Variants in SCAP observed in about 807,000 individuals in gnomAD.
The protein encoded by SCAP is SREBF chaperone.
Under a neutral mutation model 123.6 loss-of-function variants are expected in SCAP, and 65 were observed. The observed-to-expected ratio is 0.53, with a 90% CI of 0.43 to 0.65. The LOEUF is 0.65. Among genes scored for constraint, SCAP ranks in the 30% least tolerant of loss-of-function variants. The pLI is 0.00. For missense variants in SCAP, 1,398 were observed against 1,712.5 expected (o/e 0.82, Z 3.24); for synonymous variants, 740 against 726.3 (o/e 1.02, Z -0.30).
At position 47,430,819 on chromosome 3, in the gene SCAP, G is replaced by A. The variant is rs988452168; in HGVS notation, c.253-2149C>T. ...CAGCCCAGCTGAGGGATGAGGGGCT[G>A]TCTCCACGCCTGGGCTGCAGTCGGG... On this transcript the variant is annotated intron_variant, in intron 3 of 22. Transcript: ENST00000265565. Among the ~76,000 whole-genome samples, 45 of 152,158 alleles carry A rather than the reference G, an allele frequency of 3.0e-4. 1 individual carries two copies. Among genetic ancestry groups the A allele is most frequent in the East Asian group, 3.9e-4 (2 of 5,164 alleles).
At chr3:47,440,366 T>A (rs999140873) in intron 2 of SCAP, among the ~76,000 whole-genome samples, 1 of 152,214 alleles carries the variant, frequency 6.6e-6, no homozygotes, top group Non-Finnish European at 1.5e-5. Flanking sequence ...CCTGGGTCCA[T>A]GATCTCTGGT....
At chr3:47,453,368 C>T (rs1393173920) in intron 1 of SCAP, among the ~76,000 whole-genome samples, 1 of 140,100 alleles carries the variant, frequency 7.1e-6, no homozygotes, top group Non-Finnish European at 1.5e-5. Flanking sequence ...CATAGTGAGA[C>T]CCCATCTCTT....
Position 47,417,158 on chromosome 3 carries a change from G to A in SCAP, c.3020C>T (p.Ser1007Phe), listed in dbSNP as rs1559537219. 2.5e-6 allele frequency: 4 copies of A among 1,613,104 alleles called. No homozygotes were observed. Among genetic ancestry groups the A allele is most frequent in the Non-Finnish European group, 3.4e-6 (4 of 1,180,016 alleles). The change falls in exon 18 of 23, where the codon TCC becomes TTC. Residue 1007 changes from serine to phenylalanine, a missense_variant. By Grantham distance (155) the Ser-to-Phe change is radical (BLOSUM62 -2). This residue lies in a region of SCAP where 828 missense variants were observed against 882.5 expected (regional missense o/e 0.94). Transcript: ENST00000265565. ...GAACACCAGAGCGGTAATGCCTGAG[G>A]AGACCTCCTCGCTGCTGCAGCACAG... Reference protein sequence around the residue: ...GVLCCSSEEVSSGITALVFLD... With the variant: ...GVLCCSSEEVFSGITALVFLD...
chr3:47,476,889 C>T (rs1708284736), upstream of SCAP: 1 of 154,258 alleles, frequency 6.5e-6, no homozygotes, highest in Non-Finnish European at 1.5e-5. Context: ...GTAAGCCTCC[C>T]CTCAGCCCCT....
chr3:47,460,201 C>T (rs1175456999), intron 1 of SCAP, among the ~76,000 whole-genome samples: 6 of 152,176 alleles, frequency 3.9e-5, no homozygotes, highest in African/African-American at 1.4e-4. Context: ...ACACGTTTTA[C>T]AATCAATTTG....
intron 8 of SCAP, among the ~76,000 whole-genome samples, chr3:47,424,844 A>G (rs549039010): frequency 6.6e-6 from 1 of 152,286 alleles, no homozygotes; most frequent in African/African-American, 2.4e-5. Flanking sequence ...TCCATTAATA[A>G]CCATTAATAG....
At chr3:47,461,792 C>T (rs1022943855) in intron 1 of SCAP, among the ~76,000 whole-genome samples, 4 of 152,232 alleles carry the variant, frequency 2.6e-5, no homozygotes, top group African/African-American at 7.2e-5. Flanking sequence ...CTAGGACTCT[C>T]GGAGGCCGAG....
At chr3:47,431,829 C>T (rs891619430) in intron 3 of SCAP, among the ~76,000 whole-genome samples, 2 of 152,178 alleles carry the variant, frequency 1.3e-5, no homozygotes, top group African/African-American at 4.8e-5. Flanking sequence ...ACACTGTCCT[C>T]TTTGGAAGAA....
Position 47,418,401 on chromosome 3 carries a change from C to G in SCAP, c.2251G>C (p.Gly751Arg), listed in dbSNP as rs528093394. 1 of 1,575,140 alleles carries G rather than the reference C, an allele frequency of 6.3e-7. No individual in the cohort carries two copies. The highest frequency in any genetic ancestry group is 8.6e-7 in the Non-Finnish European group (1 of 1,164,410). The change falls in exon 15 of 23, where the codon GGG (glycine) becomes CGG (arginine). Residue 751 changes from glycine (G) to arginine (R), a missense_variant. Physicochemically the swap from Gly to Arg is moderately radical, Grantham distance 125 (BLOSUM62 -2). Transcript: ENST00000265565. ...LGGGPGRRRR[G>R]ELPCDDYGYA... ...CCGTAGTCGTCGCAGGGCAGCTCCC[C>G]GCGCCTCCGCCGCCCGGGCCCACCA...
rs1705411899 is a variant in SCAP at position 47,413,695 on chromosome 3, C to T, written c.*159G>A. 1 of 1,000,296 alleles carries T rather than the reference C, an allele frequency of 1.0e-6. No homozygotes were observed. The highest frequency in any genetic ancestry group is 1.5e-6 in the Non-Finnish European group (1 of 679,542). 62.0% of individuals were successfully genotyped at this position (1,000,296 alleles called of 1,614,324 possible). On this transcript the variant is annotated 3_prime_UTR_variant, in exon 23 of 23. Transcript: ENST00000265565. Reference sequence around the variant, plus strand: ...AGAGACACAAGTAGCTCCCAAAGTGCCTGACAGATGATGATATGGTTTTTT... The same window carrying T: ...AGAGACACAAGTAGCTCCCAAAGTGTCTGACAGATGATGATATGGTTTTTT...
At chr3:47,470,628 C>G (rs1014152866) in intron 1 of SCAP, among the ~76,000 whole-genome samples, 1 of 152,148 alleles carries the variant, frequency 6.6e-6, no homozygotes, top group African/African-American at 2.4e-5. Context: ...TTTGGGAGGC[C>G]GAGGCAGGCA....
chr3:47,462,597 CA>C (rs1341482585), intron 1 of SCAP, among the ~76,000 whole-genome samples: 1 of 151,704 alleles, frequency 6.6e-6, no homozygotes. Context: ...ACTAAAAATA[CA>C]AAAAATTAGC....
At chr3:47,415,313 T>C in intron 18 of SCAP, 133 bp from the exon 19 acceptor site, 1 of 727,150 alleles carries the variant, frequency 1.4e-6, no homozygotes. Flanking sequence ...AAGCACATGG[T>C]GCCAGAACAG....
chr3:47,441,878 T>TTC lies in SCAP; in HGVS notation c.122+993_122+994insGA, dbSNP rs1167501143. 8.4e-5 allele frequency among the ~76,000 whole-genome samples: 12 copies of TTC among 143,378 alleles called. No homozygotes were observed. The East Asian group carries it at 2.0e-3, about 24-fold the overall frequency. 94.1% of individuals were successfully genotyped at this position (143,378 alleles called of 152,430 possible). On this transcript the variant is annotated intron_variant, in intron 2 of 22. Coordinates refer to ENST00000265565, the MANE Select transcript of SCAP (RefSeq NM_012235.4). ...CTCTCAGTGATGTTCATCTTTCTTT[T>TTC]TTTTTTTTTTTTTTTTTTTTGGTCT...
At position 47,427,205 on chromosome 3, in the gene SCAP, C is replaced by T. The variant is rs780373009; in HGVS notation, c.689G>A (p.Arg230Lys). 2 of 1,613,922 alleles carry T rather than the reference C, an allele frequency of 1.2e-6. No individual in the cohort carries two copies. Among genetic ancestry groups the T allele is most frequent in the Non-Finnish European group, 1.7e-6 (2 of 1,179,944 alleles). Residue 230 changes from arginine (R) to lysine (K), a missense_variant, in exon 6 of 23, where the codon AGG becomes AAG. By Grantham distance (26) the Arg-to-Lys change is conservative. This residue lies in a region of SCAP where 319 missense variants were observed against 432.4 expected (regional missense o/e 0.74). Transcript: ENST00000265565. ...CAGGGTGATGGTGTAGGAGACCATC[C>T]TCTTCCTGGTGTAGAGGCTCACCCC... ...YSGVSLYTRK[R>K]MVSYTITLVF... is the part of the protein sequence containing the mutation.
chr3:47,418,941 TCA>T (rs1705770855), intron 13 of SCAP, 98 bp from the exon 14 acceptor site: 8 of 1,272,272 alleles, frequency 6.3e-6, no homozygotes, highest in Non-Finnish European at 7.3e-6. Context: ...CAGGCAGGCC[TCA>T]GCTCCACCGG....
chr3:47,422,547 C>T lies in SCAP; in HGVS notation c.1151-11G>A, dbSNP rs1407295804. 1 of 1,605,930 alleles carries T rather than the reference C, an allele frequency of 6.2e-7. No individual in the cohort carries two copies. ...TCTCGCTGCTTAGGCCTGCAGAGGG[C>T]AGCAACAGGGCACAGGGCAACACAT... On this transcript the variant is annotated splice_polypyrimidine_tract_variant and intron_variant, in intron 9 of 22. Coordinates refer to ENST00000265565, the MANE Select transcript of SCAP (RefSeq NM_012235.4).
rs1427275329 is a variant in SCAP at position 47,415,144 on chromosome 3, G to A, written c.3093C>T (p.Phe1031=). The change falls in exon 19 of 23, where the codon TTC becomes TTT. Residue 1031 remains phenylalanine, a synonymous_variant. Coordinates refer to ENST00000265565, the MANE Select transcript of SCAP (RefSeq NM_012235.4). ...GGGCAGTGTGGGTCTCCAAGGAGAA[G>A]AAATCAAGGGAACCGTTGAGCCGTG... The part of the protein sequence containing the change: ...VAARLNGSLD[F]FSLETHTALS... The A allele has an allele frequency of 6.2e-7, 1 of 1,612,360 alleles. No homozygotes were observed. Among genetic ancestry groups the A allele is most frequent in the Admixed American group, 1.7e-5 (1 of 59,830 alleles).
chr3:47,454,748 A>C (rs72913103), intron 1 of SCAP, among the ~76,000 whole-genome samples: 2 of 151,856 alleles, frequency 1.3e-5, no homozygotes, highest in Non-Finnish European at 2.9e-5. Flanking sequence ...TGTCTCAAAA[A>C]ATAATAATAA....
Sources: allele counts gnomAD v4.1 joint callset (sites outside exome capture counted in the v4.1 genomes callset), GRCh38; gene constraint gnomAD v4.1.1; regional missense constraint gnomAD v4.1.1; transcripts MANE v1.5; gene names NCBI Gene and HGNC (gene_info 2026-07-23, HGNC 2026-07-21).